Variants in MUC5AC observed in about 807,000 individuals in gnomAD.
MUC5AC encodes the protein mucin 5AC, oligomeric mucus/gel-forming, also known as mucin-5AC.
Under a neutral mutation model 169.7 loss-of-function variants are expected in MUC5AC, and 158 were observed. That is an observed-to-expected ratio of 0.93 (90% CI 0.82 to 1.06). The LOEUF (loss-of-function observed/expected upper bound fraction) is 1.06, where lower values mean the gene tolerates loss of function less well. Among genes scored for constraint, MUC5AC ranks in the 50% least tolerant of loss-of-function variants. The probability of loss-of-function intolerance (pLI) is 0.00; values close to 1 mark genes in which losing one functional copy is unlikely to be tolerated. For synonymous variants in MUC5AC, 1,975 were observed against 1,237.0 expected (o/e 1.60, Z -12.52); for missense variants, 4,359 against 3,089.9 (o/e 1.41, Z -9.74).
At chr11:1,168,431 T>C in intron 12 of MUC5AC, 52 bp from the exon 13 acceptor site, 1 of 1,559,668 alleles carries the variant, frequency 6.4e-7, no homozygotes, top group South Asian at 1.1e-5. Flanking sequence ...TCCGCGGGGC[T>C]GAGGTGCCGC....
In MUC5AC at chr11:1,188,448, A is replaced by C; in HGVS notation, c.10303A>C (p.Thr3435Pro). The C allele has an allele frequency of 3.1e-6, 2 of 638,302 alleles. No homozygotes were observed. Among genetic ancestry groups the C allele is most frequent in the South Asian group, 3.3e-5 (2 of 60,132 alleles). The allele number at this position is 638,302 out of a possible 1,614,324, so 39.5% of individuals were successfully genotyped here. A position where few individuals can be genotyped will look rare whatever the true frequency, so the allele number is the denominator to read the frequency against. The change falls in exon 31 of 49, where the codon ACA becomes CCA. Residue 3435 changes from threonine (T) to proline (P), a missense_variant. Physicochemically the swap from Thr to Pro is conservative, Grantham distance 38. Transcript: ENST00000621226. Reference sequence around the variant, plus strand: ...TACAACCAGCATAATCTCTGCCCCTACAACCAGCACAACCTCTTCCCCTAC... The same window carrying C: ...TACAACCAGCATAATCTCTGCCCCTCCAACCAGCACAACCTCTTCCCCTAC... ...ARTTSIISAP[T>P]TSTTSSPTTS...
intron 30 of MUC5AC, 137 bp downstream of exon 30, chr11:1,181,596 G>A (rs1167395507): frequency 5.0e-6 from 2 of 397,550 alleles, no homozygotes; most frequent in African/African-American, 2.1e-5. Context: ...GGATCGAGGA[G>A]CAGGGAGTCG....
At position 1,161,586 on chromosome 11, in the gene MUC5AC, G is replaced by T. The variant is rs767012787; in HGVS notation, c.211G>T (p.Ala71Ser). The T allele has an allele frequency of 2.5e-6, 4 of 1,609,540 alleles. No individual in the cohort carries two copies. The highest frequency in any genetic ancestry group is 3.4e-6 in the Non-Finnish European group (4 of 1,177,854). ...TCTGAGGACCATCCCTGTGGTACGA[G>T]GTGAGTGGAGCCCGGAGGCCTGGGT... Reference protein sequence around the residue: ...PSLRTIPVVRASNPAHNGRVC... With the variant: ...PSLRTIPVVRSSNPAHNGRVC... Residue 71 changes from alanine to serine, a missense_variant and splice_region_variant, in exon 3 of 49, where the codon GCC (alanine) becomes TCC (serine). Transcript: ENST00000621226.
intron 10 of MUC5AC, 101 bp downstream of exon 10, chr11:1,165,520 T>C: frequency 6.3e-7 from 1 of 1,583,708 alleles, no homozygotes; most frequent in Non-Finnish European, 8.6e-7. Context: ...TGGGCTACGG[T>C]GTAGGCAGGC....
chr11:1,170,140 C>T (rs1860460286), intron 15 of MUC5AC, among the ~76,000 whole-genome samples: 1 of 92,378 alleles, frequency 1.1e-5, no homozygotes, highest in African/African-American at 5.0e-5. Context: ...CTCACTCACC[C>T]ACTCACCCAT....
intron 1 of MUC5AC, among the ~76,000 whole-genome samples, chr11:1,159,985 C>G (rs1454553633): frequency 7.2e-6 from 1 of 139,218 alleles, no homozygotes; most frequent in Non-Finnish European, 1.5e-5. Context: ...CAGGGCTGTG[C>G]GGGGCTGGGG....
At chr11:1,169,535 A>C (rs1860437374) in intron 15 of MUC5AC, among the ~76,000 whole-genome samples, 2 of 125,646 alleles carry the variant, frequency 1.6e-5, no homozygotes, top group Non-Finnish European at 3.4e-5. Context: ...CCACTCACCC[A>C]CTCACCCACC....
At chr11:1,162,469 C>G (rs977084934) in intron 4 of MUC5AC, 63 bp from the exon 5 acceptor site, 30 of 1,437,738 alleles carry the variant, frequency 2.1e-5, no homozygotes, top group Admixed American at 7.2e-5. Flanking sequence ...CCGCAGGCAT[C>G]TGCCCTGCCT....
In MUC5AC at chr11:1,186,355, C is replaced by A; in HGVS notation, c.8210C>A (p.Thr2737Lys). The A allele has an allele frequency of 1.4e-6, 1 of 717,490 alleles. No individual in the cohort carries two copies. The highest frequency in any genetic ancestry group is 2.5e-6 in the Non-Finnish European group (1 of 393,658). The allele number at this position is 717,490 out of a possible 1,614,324, so 44.4% of individuals were successfully genotyped here. A position where few individuals can be genotyped will look rare whatever the true frequency, so the allele number is the denominator to read the frequency against. The change falls in exon 31 of 49, where the codon ACA (threonine) becomes AAA (lysine). Residue 2737 changes from threonine to lysine, a missense_variant. Thr to Lys is a moderately conservative substitution (Grantham distance 78). Coordinates refer to ENST00000621226, the MANE Select transcript of MUC5AC (RefSeq NM_001304359.2). ...APTTSTTSAT[T>K]TSTTSAPTPR... ...ACAACCAGCACAACCTCTGCCACTACAACCAGCACGACCTCTGCTCCTACA... is the reference window on the plus strand; with the variant it reads ...ACAACCAGCACAACCTCTGCCACTAAAACCAGCACGACCTCTGCTCCTACA...
At position 1,192,412 on chromosome 11, in the gene MUC5AC, T is replaced by C. The variant is rs561765123; in HGVS notation, c.14267T>C (p.Val4756Ala). 2 of 765,014 alleles carry C rather than the reference T, an allele frequency of 2.6e-6. No individual in the cohort carries two copies. Among genetic ancestry groups the C allele is most frequent in the Non-Finnish European group, 4.8e-6 (2 of 417,900 alleles). 47.4% of individuals were successfully genotyped at this position (765,014 alleles called of 1,614,324 possible). A position where few individuals can be genotyped will look rare whatever the true frequency, so the allele number is the denominator to read the frequency against. The change falls in exon 31 of 49, where the codon GTA becomes GCA. Residue 4756 changes from valine to alanine, a missense_variant. By Grantham distance (64) the Val-to-Ala change is moderately conservative (BLOSUM62 0). Coordinates refer to ENST00000621226, the MANE Select transcript of MUC5AC (RefSeq NM_001304359.2). ...TATCCTTCCCTGTCTACTTCCATGG[T>C]ATCCGCCTCCGTGGCATCCACCTCT... ...ALYPSLSTSM[V>A]SASVASTSVA...
At position 1,186,644 on chromosome 11, in the gene MUC5AC, A is replaced by G. The variant is rs1166260649; in HGVS notation, c.8499A>G (p.Gly2833=). The change falls in exon 31 of 49, where the codon GGA becomes GGG. Residue 2833 remains glycine, a synonymous_variant. Coordinates refer to ENST00000621226, the MANE Select transcript of MUC5AC (RefSeq NM_001304359.2). ...APTTSTTSGP[G]TTSSPVPTTS... is the part of the protein sequence containing the mutation. ...CAACCAGCACAACTTCTGGTCCTGG[A>G]ACTACTTCAAGCCCTGTTCCCACCA... 8.2e-6 allele frequency: 6 copies of G among 734,668 alleles called. No individual in the cohort carries two copies. Among genetic ancestry groups the G allele is most frequent in the Non-Finnish European group, 1.5e-5 (6 of 402,814 alleles). The allele number at this position is 734,668 out of a possible 1,614,324, so 45.5% of individuals were successfully genotyped here.
At chr11:1,162,699 C>T in intron 5 of MUC5AC, 53 bp downstream of exon 5, 2 of 1,517,962 alleles carry the variant, frequency 1.3e-6, no homozygotes, top group Non-Finnish European at 1.8e-6. Flanking sequence ...CGAGGGCCGG[C>T]CTGCTCCCAC....
intron 2 of MUC5AC, among the ~76,000 whole-genome samples, chr11:1,161,101 C>T (rs1860128947): frequency 6.6e-6 from 1 of 152,244 alleles, no homozygotes; most frequent in Non-Finnish European, 1.5e-5. Flanking sequence ...GGAGGCCCAG[C>T]AGCCCTGGCA....
In MUC5AC at chr11:1,200,612, C is replaced by T; in HGVS notation, c.16875C>T (p.Thr5625=). The T allele has an allele frequency of 1.3e-6, 1 of 764,376 alleles. No homozygotes were observed. Among genetic ancestry groups the T allele is most frequent in the Non-Finnish European group, 2.4e-6 (1 of 417,456 alleles). The allele number at this position is 764,376 out of a possible 1,614,324, so 47.3% of individuals were successfully genotyped here. A position where few individuals can be genotyped will look rare whatever the true frequency, so the allele number is the denominator to read the frequency against. The change falls in exon 49 of 49, where the codon ACC becomes ACT. Residue 5625 remains threonine (T), a synonymous_variant. Coordinates refer to ENST00000621226, the MANE Select transcript of MUC5AC (RefSeq NM_001304359.2). ...MGRRCPAPGD[T]QHSEEAEPEP... is the part of the protein sequence containing the mutation. ...GGCGGTGCCCTGCGCCGGGCGACACCCAGCACTCGGAGGAGGCGGAACCCG... is the reference window on the plus strand; with the variant it reads ...GGCGGTGCCCTGCGCCGGGCGACACTCAGCACTCGGAGGAGGCGGAACCCG...
At chr11:1,194,743 C>A in intron 35 of MUC5AC, 73 bp downstream of exon 35, 1 of 674,836 alleles carries the variant, frequency 1.5e-6, no homozygotes. Flanking sequence ...GCGAGGCCAC[C>A]ACGTGCCGCG....
At chr11:1,170,449 TCACC>T (rs1860474106) in intron 15 of MUC5AC, among the ~76,000 whole-genome samples, 1 of 113,864 alleles carries the variant, frequency 8.8e-6, no homozygotes. Flanking sequence ...ACCCACTCAC[TCACC>T]CACTCACCGA....
In MUC5AC at chr11:1,182,263, C is replaced by T; in HGVS notation, c.4118C>T (p.Pro1373Leu). Reference protein sequence around the residue: ...TAGTSPRTRLPTASASLPPVC... With the variant: ...TAGTSPRTRLLTASASLPPVC... ...GGCACTTCTCCCAGGACGAGGCTGCCCACAGCCTCTGCCTCACTGCCGCCG... is the reference window on the plus strand; with the variant it reads ...GGCACTTCTCCCAGGACGAGGCTGCTCACAGCCTCTGCCTCACTGCCGCCG... Residue 1373 changes from proline to leucine, a missense_variant, in exon 31 of 49, where the codon CCC becomes CTC. Transcript: ENST00000621226. 5.0e-6 allele frequency: 2 copies of T among 398,592 alleles called. No individual in the cohort carries two copies. Among genetic ancestry groups the T allele is most frequent in the African/African-American group, 2.1e-5 (1 of 48,760 alleles). 24.7% of individuals were successfully genotyped at this position (398,592 alleles called of 1,614,324 possible). A position where few individuals can be genotyped will look rare whatever the true frequency, so the allele number is the denominator to read the frequency against.
At position 1,197,539 on chromosome 11, in the gene MUC5AC, A is replaced by G. The variant is rs1335821312; in HGVS notation, c.15933A>G (p.Arg5311=). 1.4e-6 allele frequency: 1 copy of G among 716,848 alleles called. No homozygotes were observed. The allele number at this position is 716,848 out of a possible 1,614,324, so 44.4% of individuals were successfully genotyped here. A position where few individuals can be genotyped will look rare whatever the true frequency, so the allele number is the denominator to read the frequency against. ...CGGCCACGTGGACGCTGACCTGCCG[A>G]CCCAAGCTCTGCCCGCTGCCCCCTG... The part of the protein sequence containing the change: ...CEAATWTLTC[R]PKLCPLPPAC... The change falls in exon 41 of 49, where the codon CGA becomes CGG. Residue 5311 remains arginine, a synonymous_variant. Coordinates refer to ENST00000621226, the MANE Select transcript of MUC5AC (RefSeq NM_001304359.2).
chr11:1,187,004 C>T lies in MUC5AC; in HGVS notation c.8859C>T (p.Thr2953=), dbSNP rs1860967000. The T allele has an allele frequency of 2.7e-6, 2 of 738,800 alleles. No individual in the cohort carries two copies. Among genetic ancestry groups the T allele is most frequent in the Non-Finnish European group, 4.9e-6 (2 of 404,938 alleles). 45.8% of individuals were successfully genotyped at this position (738,800 alleles called of 1,614,324 possible). Residue 2953 remains threonine, a synonymous_variant, in exon 31 of 49, where the codon ACC becomes ACT. Transcript: ENST00000621226. ...GAACTACTCCCAGCCCTGTTCCTAC[C>T]ACCAGCACAATCTCTGTTCCTACCA... ...VPGTTPSPVP[T]TSTISVPTTS... is the part of the protein sequence containing the mutation.
Sources: allele counts gnomAD v4.1 joint callset (sites outside exome capture counted in the v4.1 genomes callset), GRCh38; gene constraint gnomAD v4.1.1; transcripts MANE v1.5; gene names NCBI Gene and HGNC (gene_info 2026-07-23, HGNC 2026-07-21).